Variants in GPHN observed in about 807,000 individuals in gnomAD.
The protein encoded by GPHN is gephyrin.
Under a neutral mutation model 95.5 loss-of-function variants are expected in GPHN, and 17 were observed. The ratio of observed to expected loss-of-function variants is 0.18; its 90% CI spans 0.12 to 0.27. GPHN has a LOEUF of 0.27. Among genes scored for constraint, GPHN ranks in the 10% least tolerant of loss-of-function variants. The pLI, the probability that GPHN is intolerant of heterozygous loss-of-function variation, is 1.00. For synonymous variants in GPHN, 320 were observed against 322.5 expected, an observed-to-expected ratio of 0.99 and a Z score of 0.08; for missense variants, 660 against 978.1, an observed-to-expected ratio of 0.67 and a Z score of 4.34.
chr14:66,733,906 G>T (rs958239673), intron 2 of GPHN, among the ~76,000 whole-genome samples: 2 of 152,112 alleles, frequency 1.3e-5, no homozygotes, highest in African/African-American at 4.8e-5. Flanking sequence ...AATATTCTTG[G>T]TTTTTTAGTA....
At chr14:67,087,258 A>G (rs528044134) in intron 11 of GPHN, among the ~76,000 whole-genome samples, 2 of 152,234 alleles carry the variant, frequency 1.3e-5, no homozygotes, top group African/African-American at 4.8e-5. Context: ...CAGCAAAGTC[A>G]TTCATGTAGA....
At chr14:66,959,637 A>T (rs919644945) in intron 8 of GPHN, among the ~76,000 whole-genome samples, 1 of 152,072 alleles carries the variant, frequency 6.6e-6, no homozygotes, top group Non-Finnish European at 1.5e-5. Flanking sequence ...TCAGCTGTAA[A>T]TCTTATTGAG....
intron 9 of GPHN, chr14:66,996,120 T>TTA (rs2071771838): frequency 7.1e-6 from 9 of 1,260,628 alleles, no homozygotes; most frequent in Non-Finnish European, 7.8e-6. Context: ...TCTGTGACCC[T>TTA]TACTATGCTA....
chr14:66,939,542 A>G (rs1471819245), intron 8 of GPHN, among the ~76,000 whole-genome samples: 2 of 151,986 alleles, frequency 1.3e-5, no homozygotes, highest in Non-Finnish European at 2.9e-5. Context: ...CACAGATTTA[A>G]TTGCAGGCCA....
chr14:67,555,768 C>A, the GPHN span: 1 of 1,597,846 alleles, frequency 6.3e-7, no homozygotes, highest in Non-Finnish European at 8.5e-7. Flanking sequence ...GGCCTTGATG[C>A]CGTGTTCACA....
the GPHN span, chr14:67,359,888 G>A: frequency 2.1e-4 from 137 of 660,262 alleles, 1 homozygote; most frequent in Middle Eastern, 2.1e-3. Context: ...CGACGAAGGG[G>A]GAGGACAGAA....
At chr14:67,166,963 G>A (rs890585170) in intron 20 of GPHN, among the ~76,000 whole-genome samples, 1 of 152,038 alleles carries the variant, frequency 6.6e-6, no homozygotes, top group Non-Finnish European at 1.5e-5. Context: ...GCCACCATGC[G>A]CAGCTTTACA....
the GPHN span, among the ~76,000 whole-genome samples, chr14:67,281,677 A>C: frequency 6.6e-6 from 1 of 152,204 alleles, no homozygotes; most frequent in African/African-American, 2.4e-5. Context: ...TCCATCTGAT[A>C]GGTAATATTC....
At chr14:67,037,130 C>T (rs570674149) in intron 10 of GPHN, among the ~76,000 whole-genome samples, 18 of 151,946 alleles carry the variant, frequency 1.2e-4, no homozygotes, top group Non-Finnish European at 1.9e-4. Flanking sequence ...AATACATGTT[C>T]GTGTATATGG....
chr14:66,733,741 A>G (rs1285748637), intron 2 of GPHN, among the ~76,000 whole-genome samples: 2 of 152,192 alleles, frequency 1.3e-5, no homozygotes, highest in Non-Finnish European at 2.9e-5. Flanking sequence ...TAATTTGTAT[A>G]TAATTAAGGC....
At chr14:66,709,701 A>G (rs907096886) in intron 2 of GPHN, among the ~76,000 whole-genome samples, 7 of 152,212 alleles carry the variant, frequency 4.6e-5, no homozygotes, top group African/African-American at 1.4e-4. Context: ...ATTGCTGGGC[A>G]AAGTCCCTCA....
the GPHN span, among the ~76,000 whole-genome samples, chr14:67,448,778 C>G: frequency 6.6e-6 from 1 of 152,082 alleles, no homozygotes. Context: ...TCCATTAGAA[C>G]AGACTGGAAA....
At chr14:66,600,743 A>T (rs2062193522) in intron 1 of GPHN, among the ~76,000 whole-genome samples, 1 of 152,170 alleles carries the variant, frequency 6.6e-6, no homozygotes, top group Non-Finnish European at 1.5e-5. Flanking sequence ...CAAAAAGCAC[A>T]AAAATGAGAA....
At chr14:66,712,632 T>A (rs372628988) in intron 2 of GPHN, among the ~76,000 whole-genome samples, 5 of 152,320 alleles carry the variant, frequency 3.3e-5, no homozygotes, top group African/African-American at 9.6e-5. Context: ...GCAGAAGCTC[T>A]TTAGTTTAAT....
chr14:66,643,528 C>T (rs1434711465), intron 1 of GPHN, among the ~76,000 whole-genome samples: 3 of 152,020 alleles, frequency 2.0e-5, no homozygotes, highest in African/African-American at 7.2e-5. Context: ...ACATTCATAG[C>T]ATGGTATACT....
At chr14:66,621,038 CA>C (rs1566715628) in intron 1 of GPHN, among the ~76,000 whole-genome samples, 1 of 152,028 alleles carries the variant, frequency 6.6e-6, no homozygotes, top group East Asian at 1.9e-4. Flanking sequence ...GATCTTGGCT[CA>C]CTGCAAGCTC....
At chr14:67,238,027 T>C in the GPHN span, among the ~76,000 whole-genome samples, 4 of 152,138 alleles carry the variant, frequency 2.6e-5, no homozygotes, top group African/African-American at 9.7e-5. Flanking sequence ...CTTTACATTA[T>C]AGATGAGAAA....
intron 1 of GPHN, among the ~76,000 whole-genome samples, chr14:66,523,662 A>T (rs1014030657): frequency 1.3e-5 from 2 of 152,120 alleles, no homozygotes; most frequent in Admixed American, 1.3e-4. Flanking sequence ...AATAATACTA[A>T]TATGCCTGCC....
intron 9 of GPHN, among the ~76,000 whole-genome samples, chr14:66,970,847 A>G (rs1254067951): frequency 6.6e-6 from 1 of 152,228 alleles, no homozygotes; most frequent in African/African-American, 2.4e-5. Flanking sequence ...CATTCTCTGA[A>G]CAAAAATATG....
Sources: gnomAD v4.1 joint callset for allele counts (sites outside exome capture counted in the v4.1 genomes callset) on GRCh38, gnomAD v4.1.1 for gene constraint, MANE v1.5 for transcripts, NCBI Gene and HGNC (gene_info 2026-07-23, HGNC 2026-07-21) for gene names.